The following COLEC10 variants were observed in gnomAD, a reference collection of about 807,000 sequenced individuals.
COLEC10 encodes collectin-10.
COLEC10 carries 22 observed loss-of-function variants against 28.4 expected under a neutral mutation model. The observed-to-expected ratio is 0.78, with a 90% CI of 0.55 to 1.11. The LOEUF (loss-of-function observed/expected upper bound fraction) is 1.11. Ranked by LOEUF, COLEC10 falls within the 50% of genes least tolerant of loss-of-function variation. The pLI is 0.00. For synonymous variants in COLEC10, 125 were observed against 116.1 expected (o/e 1.08, Z -0.49); for missense variants, 361 against 344.1 (o/e 1.05, Z -0.39).
chr8:119,000,134 T>A (rs1459324245), intron 1 of COLEC10, among the ~76,000 whole-genome samples: 1 of 152,158 alleles, frequency 6.6e-6, no homozygotes. Context: ...TATTCCATTA[T>A]AACAGGGAGA....
chr8:119,067,645 A>C, intron 1 of COLEC10: 1 of 490,784 alleles, frequency 2.0e-6, no homozygotes, highest in Non-Finnish European at 3.6e-6. Flanking sequence ...GGAAGGGGAA[A>C]CCCAGGACGG....
the COLEC10 span, among the ~76,000 whole-genome samples, chr8:118,971,606 A>G: frequency 2.6e-5 from 4 of 151,968 alleles, no homozygotes; most frequent in African/African-American, 9.7e-5. Flanking sequence ...CAAATTGCAC[A>G]GTGTCCTTTT....
chr8:119,087,107 G>A (rs1815495207), intron 1 of COLEC10, among the ~76,000 whole-genome samples: 1 of 152,112 alleles, frequency 6.6e-6, no homozygotes, highest in South Asian at 2.1e-4. Context: ...AACATTTTTG[G>A]CACAAACTAT....
At chr8:118,994,091 C>T (rs1162099496), upstream of COLEC10, among the ~76,000 whole-genome samples, 2 of 152,228 alleles carry the variant, frequency 1.3e-5, no homozygotes, top group East Asian at 3.9e-4. Flanking sequence ...TTTAGGGGTA[C>T]CTTGATTAAG....
At chr8:119,078,523 T>C (rs1815300923) in intron 1 of COLEC10, among the ~76,000 whole-genome samples, 1 of 152,102 alleles carries the variant, frequency 6.6e-6, no homozygotes, top group African/African-American at 2.4e-5. Context: ...AGAAGTAAAA[T>C]TGGGAGATTA....
chr8:119,019,517 C>A (rs935581389), intron 2 of COLEC10, among the ~76,000 whole-genome samples: 6 of 152,112 alleles, frequency 3.9e-5, no homozygotes, highest in Non-Finnish European at 8.8e-5. Flanking sequence ...CCACATCATG[C>A]CCCCACCACC....
At chr8:119,020,413 G>A (rs1288880597) in intron 2 of COLEC10, among the ~76,000 whole-genome samples, 1 of 152,046 alleles carries the variant, frequency 6.6e-6, no homozygotes, top group African/African-American at 2.4e-5. Context: ...GGAGGTTTTT[G>A]CCTTTTCCAA....
intron 2 of COLEC10, among the ~76,000 whole-genome samples, chr8:119,017,097 C>T (rs1344693107): frequency 3.9e-5 from 6 of 152,044 alleles, no homozygotes; most frequent in Non-Finnish European, 8.8e-5. Flanking sequence ...CTCTAATGAC[C>T]ATTGATGATG....
chr8:119,011,670 C>T (rs1158705926), intron 2 of COLEC10, among the ~76,000 whole-genome samples: 1 of 150,784 alleles, frequency 6.6e-6, no homozygotes, highest in African/African-American at 2.5e-5. Context: ...ACAAATGTTG[C>T]ACATATTTTG....
chr8:119,008,917 C>G (rs1813856259), intron 1 of COLEC10, among the ~76,000 whole-genome samples: 1 of 151,048 alleles, frequency 6.6e-6, no homozygotes, highest in Non-Finnish European at 1.5e-5. Context: ...ATAACAGGCA[C>G]CCAATAGCAA....
At position 119,067,435 on chromosome 8, in the gene COLEC10, G is replaced by A; in HGVS notation, c.148+6G>A. On this transcript the variant is annotated splice_donor_region_variant and intron_variant, in intron 1 of 5. Coordinates refer to ENST00000332843, the MANE Select transcript of COLEC10 (RefSeq NM_006438.5). ...AATTTCACCAGGACCCAAAGGTGAGGAAAGAAAACCACAATTTTCATGTAT... is the reference window on the plus strand; with the variant it reads ...AATTTCACCAGGACCCAAAGGTGAGAAAAGAAAACCACAATTTTCATGTAT... 6.2e-7 allele frequency: 1 copy of A among 1,611,656 alleles called. No homozygotes were observed. The highest frequency in any genetic ancestry group is 1.3e-5 in the African/African-American group (1 of 74,902).
chr8:119,077,243 ATTTTTTTT>A (rs762180766), intron 1 of COLEC10, among the ~76,000 whole-genome samples: 2 of 90,292 alleles, frequency 2.2e-5, no homozygotes, highest in African/African-American at 4.2e-5. Flanking sequence ...GTAGAGAATG[ATTTTTTTT>A]TTTTTTTTTT....
At chr8:119,014,680 A>G (rs932049659) in intron 2 of COLEC10, among the ~76,000 whole-genome samples, 11 of 151,096 alleles carry the variant, frequency 7.3e-5, no homozygotes, top group African/African-American at 1.5e-4. Flanking sequence ...TCCTTTGGGT[A>G]TATCCATTAG....
chr8:119,008,166 A>G (rs904983814), intron 1 of COLEC10, among the ~76,000 whole-genome samples: 7 of 150,946 alleles, frequency 4.6e-5, no homozygotes, highest in Admixed American at 2.6e-4. Context: ...AATTCTAAGG[A>G]ATTGTGTAAT....
intron 2 of COLEC10, among the ~76,000 whole-genome samples, chr8:119,034,330 G>A (rs1277826633): frequency 2.0e-5 from 3 of 149,370 alleles, no homozygotes; most frequent in Non-Finnish European, 4.4e-5. Flanking sequence ...CATGGCACAT[G>A]TATACCTATG....
chr8:118,974,935 A>G, the COLEC10 span, among the ~76,000 whole-genome samples: 1 of 152,022 alleles, frequency 6.6e-6, no homozygotes, highest in Non-Finnish European at 1.5e-5. Context: ...TTTATGTGGC[A>G]TTGGCCAGGA....
the COLEC10 span, among the ~76,000 whole-genome samples, chr8:118,979,457 A>C: frequency 6.6e-6 from 1 of 152,106 alleles, no homozygotes; most frequent in South Asian, 2.1e-4. Context: ...CAGTAAGGTA[A>C]ACAATAATAA....
rs1327818871 is a variant in COLEC10, at chr8:119,107,024, G to T, written c.*833G>T. On this transcript the variant is annotated 3_prime_UTR_variant, in exon 6 of 6. Coordinates refer to ENST00000332843, the MANE Select transcript of COLEC10 (RefSeq NM_006438.5). ...TAGTTCTCTTGCTAAATTGCCCACT[G>T]CTATTAACTTAACTTCATTTTTATT... Among the ~76,000 whole-genome samples, 3 of 152,142 alleles carry T rather than the reference G, an allele frequency of 2.0e-5. No individual in the cohort carries two copies. Among genetic ancestry groups the T allele is most frequent in the Non-Finnish European group, 4.4e-5 (3 of 68,018 alleles).
At chr8:119,067,218 T>C (rs1357752896), upstream of COLEC10, 1 of 1,546,828 alleles carries the variant, frequency 6.5e-7, no homozygotes, top group Non-Finnish European at 8.8e-7. Flanking sequence ...AGCAGGAGGT[T>C]TTATTTAAAA....
Sources: allele counts gnomAD v4.1 joint callset (sites outside exome capture counted in the v4.1 genomes callset), GRCh38; gene constraint gnomAD v4.1.1; transcripts MANE v1.5; gene names NCBI Gene and HGNC (gene_info 2026-07-23, HGNC 2026-07-21).